The following LINGO4 variants were observed in gnomAD, a reference collection of about 807,000 sequenced individuals.
LINGO4 encodes the protein leucine rich repeat and Ig domain containing 4.
A neutral mutation model predicts 27.9 loss-of-function variants in LINGO4; 22 were observed. The observed-to-expected ratio is 0.79, with a 90% CI of 0.56 to 1.13. The LOEUF is 1.13. Among genes scored for constraint, LINGO4 ranks in the 50% most tolerant of loss-of-function variants. The pLI is 0.00. For synonymous variants in LINGO4, 306 were observed against 325.8 expected, an observed-to-expected ratio of 0.94 and a Z score of 0.65; for missense variants, 706 against 739.4, an observed-to-expected ratio of 0.95 and a Z score of 0.52.
Position 151,801,257 on chromosome 1 carries a change from A to G in LINGO4, c.1448T>C (p.Val483Ala). Residue 483 changes from valine to alanine, a missense_variant, in exon 2 of 2, where the codon GTC becomes GCC. Val to Ala is a moderately conservative substitution (Grantham distance 64). Coordinates refer to ENST00000368820, the MANE Select transcript of LINGO4 (RefSeq NM_001004432.4). The surrounding 1 kb of genome is among the most constrained non-coding windows in gnomAD (Gnocchi z 5.7). The stretch of plus-strand genomic sequence containing the variant: ...CCCAGCGACATTGCTAACCACACAG[A>G]CATAGGCCCCTCTGTCCCGTAGCTG... ...SVQLRDRGAY[V>A]CVVSNVAGND... The G allele has an allele frequency of 1.9e-6, 3 of 1,614,160 alleles. No homozygotes were observed. The East Asian group carries it at 6.7e-5, about 36-fold the overall frequency.
chr1:151,805,026 C>T (rs544226483), intron 1 of LINGO4, among the ~76,000 whole-genome samples: 4 of 152,324 alleles, frequency 2.6e-5, no homozygotes, highest in African/African-American at 9.6e-5. Context: ...AGGGAGGTCT[C>T]CTTGGAGCCC....
chr1:151,801,102 C>T lies in LINGO4; in HGVS notation c.1603G>A (p.Val535Met). Reference sequence around the variant, plus strand: ...AAGGGGAGGAAGCCGACTGCCAGCACCATGGCCACACCTCTGCTATCCAGA... The same window carrying T: ...AAGGGGAGGAAGCCGACTGCCAGCATCATGGCCACACCTCTGCTATCCAGA... ...FFLDSRGVAM[V>M]LAVGFLPFLT... The change falls in exon 2 of 2, where the codon GTG (valine) becomes ATG (methionine). Residue 535 changes from valine (V) to methionine (M), a missense_variant. Val to Met is a conservative substitution (Grantham distance 21). Coordinates refer to ENST00000368820, the MANE Select transcript of LINGO4 (RefSeq NM_001004432.4). This position sits in a 1 kb window ranked among gnomAD's most constrained non-coding sequence, Gnocchi z 5.7. 3 of 1,614,216 alleles carry T rather than the reference C, an allele frequency of 1.9e-6. No individual in the cohort carries two copies. The highest frequency in any genetic ancestry group is 2.2e-5 in the South Asian group (2 of 91,082).
chr1:151,802,867 G>C (rs530893563), intron 1 of LINGO4, 150 bp from the exon 2 acceptor site: 11 of 494,850 alleles, frequency 2.2e-5, no homozygotes, highest in Non-Finnish European at 3.4e-5. Flanking sequence ...AAGAATTCTT[G>C]TGTGCCACCT....
chr1:151,801,923 C>G lies in LINGO4; in HGVS notation c.782G>C (p.Arg261Pro). ...GAAGGGCACCGAGCTCAGATTGCAGCGAGTGATGGCCAGGCTGCTGAGATT... is the reference window on the plus strand; with the variant it reads ...GAAGGGCACCGAGCTCAGATTGCAGGGAGTGATGGCCAGGCTGCTGAGATT... ...GLNLSSLAIT[R>P]CNLSSVPFQA... The change falls in exon 2 of 2, where the codon CGC becomes CCC. Residue 261 changes from arginine (R) to proline (P), a missense_variant. Coordinates refer to ENST00000368820, the MANE Select transcript of LINGO4 (RefSeq NM_001004432.4). The surrounding 1 kb of genome is among the most constrained non-coding windows in gnomAD (Gnocchi z 5.7). 6.2e-7 allele frequency: 1 copy of G among 1,614,176 alleles called. No homozygotes were observed. The highest frequency in any genetic ancestry group is 8.5e-7 in the Non-Finnish European group (1 of 1,180,016).
chr1:151,804,636 C>T (rs535135016), intron 1 of LINGO4, among the ~76,000 whole-genome samples: 1 of 152,330 alleles, frequency 6.6e-6, no homozygotes, highest in African/African-American at 2.4e-5. Context: ...GCTGGAGCAA[C>T]CTATTTTATT....
In LINGO4 at chr1:151,801,019, AC is replaced by A. The variant is rs1240172471; in HGVS notation, c.1685del (p.Gly562ValfsTer7). On this transcript the variant is annotated frameshift_variant, in exon 2 of 2. Coordinates refer to ENST00000368820, the MANE Select transcript of LINGO4 (RefSeq NM_001004432.4). LOFTEE classifies it high-confidence loss of function. This position sits in a 1 kb window ranked among gnomAD's most constrained non-coding sequence, Gnocchi z 5.7. ...GLIALWSKGKGRVKHHMTFDF... is the reference protein window; with the variant it reads ...GLIALWSKGKXRVKHHMTFDF... ...CAAAGGTCATGTGATGTTTGACCCG[AC>A]CTTTGCCCTTGCTCCAAAGGGCAAT... is the stretch of plus-strand genomic sequence containing the variant. The A allele has an allele frequency of 1.2e-6, 2 of 1,614,088 alleles. No homozygotes were observed. Among genetic ancestry groups the A allele is most frequent in the East Asian group, 4.5e-5 (2 of 44,880 alleles).
Position 151,801,517 on chromosome 1 carries a change from C to G in LINGO4, c.1188G>C (p.Leu396=). ...AGPHHVQGKS[L]KEFSDILPPG... Reference sequence around the variant, plus strand: ...GAGGCAGGATGTCTGAAAACTCCTTCAGGCTCTTCCCCTGGACATGATGGG... The same window carrying G: ...GAGGCAGGATGTCTGAAAACTCCTTGAGGCTCTTCCCCTGGACATGATGGG... Residue 396 remains leucine (L), a synonymous_variant, in exon 2 of 2, where the codon CTG becomes CTC. Transcript: ENST00000368820. The surrounding 1 kb of genome is among the most constrained non-coding windows in gnomAD (Gnocchi z 5.7). 6.2e-7 allele frequency: 1 copy of G among 1,614,032 alleles called. No homozygotes were observed. The highest frequency in any genetic ancestry group is 8.5e-7 in the Non-Finnish European group (1 of 1,179,956).
chr1:151,802,203 G>A lies in LINGO4; in HGVS notation c.502C>T (p.Leu168=). 3.7e-6 allele frequency: 6 copies of A among 1,614,162 alleles called. No homozygotes were observed. The highest frequency in any genetic ancestry group is 5.1e-6 in the Non-Finnish European group (6 of 1,180,034). Residue 168 remains leucine, a synonymous_variant, in exon 2 of 2, where the codon CTG becomes TTG. Coordinates refer to ENST00000368820, the MANE Select transcript of LINGO4 (RefSeq NM_001004432.4). ...LQKLEVGDNH[L]VFVAPGAFAG... is the part of the protein sequence containing the mutation. The stretch of plus-strand genomic sequence containing the variant: ...AAGGCCCCCGGAGCCACAAATACCA[G>A]GTGGTTGTCCCCAACCTCCAGCTTC...
chr1:151,801,291 G>A lies in LINGO4; in HGVS notation c.1414C>T (p.Arg472Cys), dbSNP rs768822975. 1.9e-5 allele frequency: 30 copies of A among 1,613,800 alleles called. No homozygotes were observed. The highest frequency in any genetic ancestry group is 1.6e-4 in the Middle Eastern group (1 of 6,062). ...CCTCTGTCCCGTAGCTGCACTGAGC[G>A]GATCTCCAGTGTCCCATCCTCTAGG... ...RVLEDGTLEI[R>C]SVQLRDRGAY... The change falls in exon 2 of 2, where the codon CGC becomes TGC. Residue 472 changes from arginine (R) to cysteine (C), a missense_variant. By Grantham distance (180) the Arg-to-Cys change is radical. Coordinates refer to ENST00000368820, the MANE Select transcript of LINGO4 (RefSeq NM_001004432.4). The surrounding 1 kb of genome is among the most constrained non-coding windows in gnomAD (Gnocchi z 5.7).
chr1:151,801,874 G>A lies in LINGO4; in HGVS notation c.831C>T (p.Phe277=). The A allele has an allele frequency of 6.2e-7, 1 of 1,614,228 alleles. No homozygotes were observed. Among genetic ancestry groups the A allele is most frequent in the Non-Finnish European group, 8.5e-7 (1 of 1,180,034 alleles). Residue 277 remains phenylalanine (F), a synonymous_variant, in exon 2 of 2, where the codon TTC becomes TTT. Coordinates refer to ENST00000368820, the MANE Select transcript of LINGO4 (RefSeq NM_001004432.4). This position sits in a 1 kb window ranked among gnomAD's most constrained non-coding sequence, Gnocchi z 5.7. ...TCTGGGACAGATCCAGGACCCTGAGGAAGCTGAGGTGGTACAGTGCTTGGA... is the reference window on the plus strand; with the variant it reads ...TCTGGGACAGATCCAGGACCCTGAGAAAGCTGAGGTGGTACAGTGCTTGGA... ...VPFQALYHLS[F]LRVLDLSQNP...
In LINGO4 at chr1:151,801,662, T is replaced by C. The variant is rs1310954633; in HGVS notation, c.1043A>G (p.Asp348Gly). 3 of 1,613,998 alleles carry C rather than the reference T, an allele frequency of 1.9e-6. No individual in the cohort carries two copies. Among genetic ancestry groups the C allele is most frequent in the Non-Finnish European group, 2.5e-6 (3 of 1,180,030 alleles). The change falls in exon 2 of 2, where the codon GAC (aspartate) becomes GGC (glycine). Residue 348 changes from aspartate to glycine, a missense_variant. Physicochemically the swap from Asp to Gly is moderately conservative, Grantham distance 94. Transcript: ENST00000368820. The surrounding 1 kb of genome is among the most constrained non-coding windows in gnomAD (Gnocchi z 5.7). Reference sequence around the variant, plus strand: ...AGACAGCCTCAAGGTGACCAGTTTGTCTGGAGAAGGGAAAGCTGTTTCCTC... The same window carrying C: ...AGACAGCCTCAAGGTGACCAGTTTGCCTGGAGAAGGGAAAGCTGTTTCCTC... ...TLEETAFPSP[D>G]KLVTLRLSGN...
At chr1:151,803,000 A>C in intron 1 of LINGO4, among the ~76,000 whole-genome samples, 1 of 152,026 alleles carries the variant, frequency 6.6e-6, no homozygotes, top group South Asian at 2.1e-4. Flanking sequence ...TTCTGTGGGG[A>C]AAAAGCTTAT....
Position 151,802,717 on chromosome 1 carries a change from C to G in LINGO4, c.-13G>C, listed in dbSNP as rs1651190412. On this transcript the variant is annotated splice_region_variant and 5_prime_UTR_variant, in exon 2 of 2. Coordinates refer to ENST00000368820, the MANE Select transcript of LINGO4 (RefSeq NM_001004432.4). ...TGGCTGCATCCATTCCCTCTTCAGT[C>G]CTGGAATAGATGATGACATGGCCCT... 13 of 1,478,482 alleles carry G rather than the reference C, an allele frequency of 8.8e-6. No individual in the cohort carries two copies. Among genetic ancestry groups the G allele is most frequent in the Non-Finnish European group, 1.2e-5 (13 of 1,117,536 alleles). 91.6% of individuals were successfully genotyped at this position (1,478,482 alleles called of 1,614,324 possible).
Position 151,801,129 on chromosome 1 carries a change from A to T in LINGO4, c.1576T>A (p.Phe526Ile). 6.2e-7 allele frequency: 1 copy of T among 1,614,176 alleles called. No individual in the cohort carries two copies. Among genetic ancestry groups the T allele is most frequent in the Non-Finnish European group, 8.5e-7 (1 of 1,180,014 alleles). ...ITVPGIPGPF[F>I]LDSRGVAMVL... Reference sequence around the variant, plus strand: ...ATGGCCACACCTCTGCTATCCAGAAAAAAAGGCCCTGGGATCCCTGGCACG... The same window carrying T: ...ATGGCCACACCTCTGCTATCCAGAATAAAAGGCCCTGGGATCCCTGGCACG... The change falls in exon 2 of 2, where the codon TTT becomes ATT. Residue 526 changes from phenylalanine to isoleucine, a missense_variant. Physicochemically the swap from Phe to Ile is conservative, Grantham distance 21. Coordinates refer to ENST00000368820, the MANE Select transcript of LINGO4 (RefSeq NM_001004432.4). The surrounding 1 kb of genome is among the most constrained non-coding windows in gnomAD (Gnocchi z 5.7).
chr1:151,802,749 A>G (rs1361833902), intron 1 of LINGO4, 32 bp from the exon 2 acceptor site: 1 of 1,418,252 alleles, frequency 7.1e-7, no homozygotes, highest in East Asian at 2.5e-5. Flanking sequence ...CCCTTTTTGG[A>G]AAGTGGCTTC....
In LINGO4 at chr1:151,803,947, C is replaced by T. The variant is rs548394455; in HGVS notation, c.-13-1230G>A. On this transcript the variant is annotated intron_variant, in intron 1 of 1. Transcript: ENST00000368820. ...TCCTGTTAGATGTCAACAGGGACCC[C>T]AAGGCAGAGGAAGTACTGGAATTGG... 1.9e-4 allele frequency among the ~76,000 whole-genome samples: 29 copies of T among 152,198 alleles called. 1 individual carries two copies. In the South Asian group the frequency reaches 5.8e-3, roughly 31 times the overall value.
In LINGO4 at chr1:151,801,020, C is replaced by A. The variant is rs377034052; in HGVS notation, c.1685G>T (p.Gly562Val). ...GLIALWSKGK[G>V]RVKHHMTFDF... ...AAAGGTCATGTGATGTTTGACCCGA[C>A]CTTTGCCCTTGCTCCAAAGGGCAAT... Residue 562 changes from glycine (G) to valine (V), a missense_variant, in exon 2 of 2, where the codon GGT becomes GTT. Transcript: ENST00000368820. The surrounding 1 kb of genome is among the most constrained non-coding windows in gnomAD (Gnocchi z 5.7). The A allele has an allele frequency of 6.2e-6, 10 of 1,614,062 alleles. No individual in the cohort carries two copies. Among genetic ancestry groups the A allele is most frequent in the Non-Finnish European group, 8.5e-6 (10 of 1,180,046 alleles).
chr1:151,801,176 G>A lies in LINGO4; in HGVS notation c.1529C>T (p.Thr510Ile). The A allele has an allele frequency of 2.5e-6, 4 of 1,614,228 alleles. No homozygotes were observed. The highest frequency in any genetic ancestry group is 1.3e-5 in the African/African-American group (1 of 75,054). The change falls in exon 2 of 2, where the codon ACA becomes ATA. Residue 510 changes from threonine (T) to isoleucine (I), a missense_variant. Physicochemically the swap from Thr to Ile is moderately conservative, Grantham distance 89 (BLOSUM62 -1). Coordinates refer to ENST00000368820, the MANE Select transcript of LINGO4 (RefSeq NM_001004432.4). This position sits in a 1 kb window ranked among gnomAD's most constrained non-coding sequence, Gnocchi z 5.7. ...CACGGTGATGTTGGGGTCAGAAAGT[G>A]TGCCGTTTGGTGGTTCCACCTGGAT... ...EVIQVEPPNG[T>I]LSDPNITVPG...
In LINGO4 at chr1:151,801,001, C is replaced by G; in HGVS notation, c.1704G>C (p.Met568Ile). 2 of 1,614,162 alleles carry G rather than the reference C, an allele frequency of 1.2e-6. No individual in the cohort carries two copies. The highest frequency in any genetic ancestry group is 1.7e-6 in the Non-Finnish European group (2 of 1,180,020). The change falls in exon 2 of 2, where the codon ATG (methionine) becomes ATC (isoleucine). Residue 568 changes from methionine (M) to isoleucine (I), a missense_variant. Physicochemically the swap from Met to Ile is conservative, Grantham distance 10. Transcript: ENST00000368820. This position sits in a 1 kb window ranked among gnomAD's most constrained non-coding sequence, Gnocchi z 5.7. ...GCCGAGGTGCCACAAAGTCAAAGGTCATGTGATGTTTGACCCGACCTTTGC... is the reference window on the plus strand; with the variant it reads ...GCCGAGGTGCCACAAAGTCAAAGGTGATGTGATGTTTGACCCGACCTTTGC... The part of the protein sequence containing the change: ...SKGKGRVKHH[M>I]TFDFVAPRPS...
Sources: allele counts gnomAD v4.1 joint callset (sites outside exome capture counted in the v4.1 genomes callset), GRCh38; gene constraint gnomAD v4.1.1; non-coding constraint Gnocchi (gnomAD v3.1); transcripts MANE v1.5; gene names NCBI Gene and HGNC (gene_info 2026-07-23, HGNC 2026-07-21).